ACAP3: variants seen among roughly 807,000 people sequenced by gnomAD.
The protein encoded by ACAP3 is arf-GAP with coiled-coil, ANK repeat and PH domain-containing protein 3.
In ACAP3, 56 loss-of-function variants were observed where a neutral mutation model predicts 104.1. The observed-to-expected ratio is 0.54, with a 90% CI of 0.43 to 0.67. The LOEUF is 0.67. Ranked by LOEUF, ACAP3 falls within the 30% of genes least tolerant of loss-of-function variation. The pLI is 0.00. For synonymous variants in ACAP3, 628 were observed against 496.2 expected (o/e 1.27, Z -3.53); for missense variants, 1,208 against 1,174.9 (o/e 1.03, Z -0.41).
At chr1:1,301,892 G>C (rs1247732687) in intron 5 of ACAP3, 96 bp downstream of exon 5, 2 of 1,226,632 alleles carry the variant, frequency 1.6e-6, no homozygotes, top group African/African-American at 3.1e-5. Flanking sequence ...TGGAGGCCTG[G>C]GCCCAAGGTG....
chr1:1,306,822 A>G (rs1641732771), intron 1 of ACAP3, among the ~76,000 whole-genome samples: 1 of 152,254 alleles, frequency 6.6e-6, no homozygotes, highest in African/African-American at 2.4e-5. Context: ...CGCGTGTACA[A>G]GGTGATGTGT....
intron 1 of ACAP3, chr1:1,307,417 G>C (rs953526777): frequency 1.5e-6 from 2 of 1,292,544 alleles, no homozygotes; most frequent in East Asian, 5.5e-5. Context: ...ACCAGGGGCC[G>C]ACGCCCCCAC....
intron 1 of ACAP3, chr1:1,307,152 C>T: frequency 1.6e-6 from 2 of 1,272,774 alleles, no homozygotes; most frequent in South Asian, 1.2e-5. Flanking sequence ...CACTTGTGCA[C>T]ACGTCTGTGA....
intron 1 of ACAP3, among the ~76,000 whole-genome samples, chr1:1,306,733 C>G (rs530941274): frequency 6.6e-6 from 1 of 152,236 alleles, no homozygotes; most frequent in Admixed American, 6.5e-5. Flanking sequence ...TGCCTGCACA[C>G]ACTGGTACCA....
chr1:1,307,191 T>G (rs1412990307), intron 1 of ACAP3: 1 of 1,287,790 alleles, frequency 7.8e-7, no homozygotes, highest in Admixed American at 2.3e-5. Context: ...TGTACACGCC[T>G]GCACGCCACG....
intron 1 of ACAP3, chr1:1,307,206 A>G (rs1350637332): frequency 7.8e-7 from 1 of 1,286,966 alleles, no homozygotes; most frequent in East Asian, 5.6e-5. Flanking sequence ...GCCACGAATG[A>G]TGGAAAACAT....
At position 1,303,610 on chromosome 1, in the gene ACAP3, C is replaced by T. The variant is rs1412364015; in HGVS notation, c.106-329G>A. ...CACTCCCAGCTCCACGGCCTGTTGC[C>T]CCCTCCTCTTTCTCAGCCCATGTGG... On this transcript the variant is annotated intron_variant, in intron 2 of 23. Coordinates refer to ENST00000354700, the MANE Select transcript of ACAP3 (RefSeq NM_030649.3). This position sits in a 1 kb window ranked among gnomAD's most constrained non-coding sequence, Gnocchi z 4.0. The T allele has an allele frequency of 2.6e-5, 12 of 464,140 alleles. No individual in the cohort carries two copies. The East Asian group carries it at 4.2e-4, about 16-fold the overall frequency. The allele number at this position is 464,140 out of a possible 1,614,324, so 28.8% of individuals were successfully genotyped here. A position where few individuals can be genotyped will look rare whatever the true frequency, so the allele number is the denominator to read the frequency against.
At chr1:1,306,509 C>G (rs969968572) in intron 1 of ACAP3, among the ~76,000 whole-genome samples, 9 of 152,152 alleles carry the variant, frequency 5.9e-5, no homozygotes, top group Non-Finnish European at 1.0e-4. Context: ...CCCAGTTCCT[C>G]TGCCCAGGGC....
chr1:1,296,805 G>A (rs1174517358), intron 14 of ACAP3, among the ~76,000 whole-genome samples, 172 bp from the exon 15 acceptor site: 5 of 140,522 alleles, frequency 3.6e-5, no homozygotes, highest in East Asian at 2.5e-4. Flanking sequence ...CCCCCCCCTC[G>A]AGCACACGCC....
intron 14 of ACAP3, 80 bp from the exon 15 acceptor site, chr1:1,296,713 G>C (rs894270214): frequency 6.9e-7 from 1 of 1,439,084 alleles, no homozygotes. Flanking sequence ...TCCCCAGCCA[G>C]AAGAGCCAAT....
rs574467604 is a variant in ACAP3, at chr1:1,298,478, A to AC, written c.864-58dup. The AC allele has an allele frequency of 2.8e-4, 448 of 1,582,450 alleles. 1 individual carries two copies. In the African/African-American group the frequency reaches 5.8e-3, roughly 21 times the overall value. On this transcript the variant is annotated intron_variant, in intron 11 of 23. Transcript: ENST00000354700. ...CGGGGCCCATCCCAGGGCTGCTGTG[A>AC]CCCCTGCCCCCACCTGAGGACCCCA...
chr1:1,303,963 G>A lies in ACAP3; in HGVS notation c.105+123C>T, dbSNP rs1641567790. 5.9e-6 allele frequency: 7 copies of A among 1,177,476 alleles called. No individual in the cohort carries two copies. The highest frequency in any genetic ancestry group is 1.9e-4 in the Middle Eastern group (1 of 5,238). 72.9% of individuals were successfully genotyped at this position (1,177,476 alleles called of 1,614,324 possible). A position where few individuals can be genotyped will look rare whatever the true frequency, so the allele number is the denominator to read the frequency against. Reference sequence around the variant, plus strand: ...TAAGACACAGGGACCAGGACCTGGAGCACCACACGCATGCTCCACATATGG... The same window carrying A: ...TAAGACACAGGGACCAGGACCTGGAACACCACACGCATGCTCCACATATGG... On this transcript the variant is annotated intron_variant, in intron 2 of 23. Coordinates refer to ENST00000354700, the MANE Select transcript of ACAP3 (RefSeq NM_030649.3). The surrounding 1 kb of genome is among the most constrained non-coding windows in gnomAD (Gnocchi z 4.0).
Position 1,294,574 on chromosome 1 carries a change from TC to T in ACAP3, c.1966del (p.Glu656ArgfsTer57). On this transcript the variant is annotated frameshift_variant, in exon 21 of 24. Transcript: ENST00000354700. LOFTEE classifies it high-confidence loss of function. ...SGEADGDTEA[E>X]AWGLADVREL... ...GCGCACGTCCGCCAGGCCCCAGGCC[TC>T]GGCCTCAGTGTCCCCGTCTGCCTCA... is the stretch of plus-strand genomic sequence containing the variant. 1 of 1,511,030 alleles carries T rather than the reference TC, an allele frequency of 6.6e-7. No homozygotes were observed. The allele number at this position is 1,511,030 out of a possible 1,614,324, so 93.6% of individuals were successfully genotyped here.
chr1:1,301,514 C>T (rs1641445378), intron 5 of ACAP3: 1 of 150,296 alleles, frequency 6.7e-6, no homozygotes, highest in African/African-American at 2.5e-5. Flanking sequence ...CTGGCCTTGG[C>T]CTCCCAAACG....
chr1:1,294,754 C>G lies in ACAP3; in HGVS notation c.1876G>C (p.Gly626Arg). 1 of 1,549,888 alleles carries G rather than the reference C, an allele frequency of 6.5e-7. No individual in the cohort carries two copies. The highest frequency in any genetic ancestry group is 8.7e-7 in the Non-Finnish European group (1 of 1,146,730). Residue 626 changes from glycine (G) to arginine (R), a missense_variant, in exon 20 of 24, where the codon GGC (glycine) becomes CGC (arginine). Coordinates refer to ENST00000354700, the MANE Select transcript of ACAP3 (RefSeq NM_030649.3). Reference protein sequence around the residue: ...SDGSSDVLAFGSGSVVDSVTE... With the variant: ...SDGSSDVLAFRSGSVVDSVTE... ...ACGCTGTCCACCACAGAGCCCGAGC[C>G]GAAAGCCAGGACGTCCGAGCTGCCA...
In ACAP3 at chr1:1,294,507, G is replaced by A; in HGVS notation, c.2034C>T (p.Ala678=). 1 of 1,526,090 alleles carries A rather than the reference G, an allele frequency of 6.6e-7. No individual in the cohort carries two copies. Among genetic ancestry groups the A allele is most frequent in the East Asian group, 2.5e-5 (1 of 40,110 alleles). The allele number at this position is 1,526,090 out of a possible 1,614,324, so 94.5% of individuals were successfully genotyped here. The change falls in exon 21 of 24, where the codon GCC becomes GCT. Residue 678 remains alanine, a synonymous_variant. Transcript: ENST00000354700. The part of the protein sequence containing the change: ...PGLLAHRAAR[A]RDLPALAAAL... The stretch of plus-strand genomic sequence containing the variant: ...CCGCCGCCAGCGCAGGAAGGTCGCG[G>A]GCACGCGCTGCGCGGTGCGCCAAGA...
In ACAP3 at chr1:1,300,656, A is replaced by T. The variant is rs1226026189; in HGVS notation, c.375T>A (p.Phe125Leu). 3.1e-6 allele frequency: 5 copies of T among 1,609,498 alleles called. No homozygotes were observed. The highest frequency in any genetic ancestry group is 4.2e-6 in the Non-Finnish European group (5 of 1,179,016). ...GCTCCAGGTCCTCCCGCACCTTGTCAAACTGCTTCTTTGTCTCCTTGAACT... is the reference window on the plus strand; with the variant it reads ...GCTCCAGGTCCTCCCGCACCTTGTCTAACTGCTTCTTTGTCTCCTTGAACT... ...VRKFKETKKQ[F>L]DKVREDLELS... is the part of the protein sequence containing the mutation. The change falls in exon 6 of 24, where the codon TTT becomes TTA. Residue 125 changes from phenylalanine to leucine, a missense_variant. Transcript: ENST00000354700.
intron 1 of ACAP3, chr1:1,305,662 T>G (rs1011828681): frequency 1.3e-5 from 2 of 152,372 alleles, no homozygotes; most frequent in African/African-American, 4.8e-5. Flanking sequence ...GACCTAGGCC[T>G]CCTCTGCTGT....
At position 1,293,383 on chromosome 1, in the gene ACAP3, G is replaced by A. The variant is rs989370474; in HGVS notation, c.*181C>T. The A allele has an allele frequency of 2.3e-5, 12 of 512,296 alleles. No homozygotes were observed. Among genetic ancestry groups the A allele is most frequent in the African/African-American group, 6.2e-5 (3 of 48,344 alleles). 31.7% of individuals were successfully genotyped at this position (512,296 alleles called of 1,614,324 possible). On this transcript the variant is annotated 3_prime_UTR_variant, in exon 24 of 24. Transcript: ENST00000354700. ...CCCAGGGAAACGTGAGGCTTCAAGA[G>A]ACTCAGTGTGGGGCCCTCGCTCTCC...
Sources: allele counts gnomAD v4.1 joint callset (sites outside exome capture counted in the v4.1 genomes callset), GRCh38; gene constraint gnomAD v4.1.1; non-coding constraint Gnocchi (gnomAD v3.1); transcripts MANE v1.5; gene names NCBI Gene and HGNC (gene_info 2026-07-23, HGNC 2026-07-21).